The following IFI27 variants were observed in gnomAD, a reference collection of about 807,000 sequenced individuals.
IFI27 encodes interferon alpha-inducible protein 27, mitochondrial.
IFI27 carries 3 observed loss-of-function variants against 8.9 expected under a neutral mutation model. The observed-to-expected ratio is 0.34, with a 90% CI of 0.15 to 0.87. IFI27 has a LOEUF of 0.87. Ranked by LOEUF, IFI27 falls within the 40% of genes least tolerant of loss-of-function variation. IFI27 has a pLI of 0.51. For synonymous variants in IFI27, 66 were observed against 67.3 expected (o/e 0.98, Z 0.09); for missense variants, 152 against 157.7 (o/e 0.96, Z 0.19).
chr14:94,114,766 G>A, intron 2 of IFI27, 85 bp from the exon 3 acceptor site: 1 of 1,470,998 alleles, frequency 6.8e-7, no homozygotes, highest in Non-Finnish European at 9.5e-7. Flanking sequence ...GCAGCCCCCT[G>A]CCTCCCTTTA....
Position 94,111,875 on chromosome 14 carries a change from G to T in IFI27, c.91+102G>T. 1.1e-6 allele frequency: 1 copy of T among 908,350 alleles called. No individual in the cohort carries two copies. The highest frequency in any genetic ancestry group is 1.8e-6 in the Non-Finnish European group (1 of 549,542). The allele number at this position is 908,350 out of a possible 1,614,324, so 56.3% of individuals were successfully genotyped here. A position where few individuals can be genotyped will look rare whatever the true frequency, so the allele number is the denominator to read the frequency against. On this transcript the variant is annotated intron_variant, in intron 2 of 4. Coordinates refer to ENST00000621160, the Ensembl canonical transcript of IFI27. This position sits in a 1 kb window ranked among gnomAD's most constrained non-coding sequence, Gnocchi z 4.3. ...GTGGGAGAGAAAATGGGGGACACCCGCAGCCTTGCTGCCCTGTCCTGTCTT... is the reference window on the plus strand; with the variant it reads ...GTGGGAGAGAAAATGGGGGACACCCTCAGCCTTGCTGCCCTGTCCTGTCTT...
chr14:94,115,220 C>T (rs1887345026), intron 3 of IFI27: 4 of 619,154 alleles, frequency 6.5e-6, no homozygotes, highest in Non-Finnish European at 1.2e-5. Flanking sequence ...TGGTAATGCC[C>T]ATTCAGGGTT....
chr14:94,108,041 A>G (rs1024686997), upstream of IFI27, among the ~76,000 whole-genome samples: 1 of 151,954 alleles, frequency 6.6e-6, no homozygotes, highest in African/African-American at 2.4e-5. Flanking sequence ...CCCTGTGTCC[A>G]TGTGTTCTCA....
chr14:94,109,809 T>C (rs1887100709), upstream of IFI27, among the ~76,000 whole-genome samples: 1 of 152,254 alleles, frequency 6.6e-6, no homozygotes, highest in African/African-American at 2.4e-5. Context: ...ACTCGCACAC[T>C]ACTCATGTGG....
intron 3 of IFI27, 185 bp from the exon 4 acceptor site, chr14:94,115,596 T>C: frequency 1.6e-6 from 1 of 639,486 alleles, no homozygotes; most frequent in Non-Finnish European, 2.7e-6. Flanking sequence ...CACTAGCTTT[T>C]CCCTCTACTT....
In IFI27 at chr14:94,111,846, A is replaced by T. The variant is rs1365812078; in HGVS notation, c.91+73A>T. 1.7e-6 allele frequency: 2 copies of T among 1,146,120 alleles called. No homozygotes were observed. Among genetic ancestry groups the T allele is most frequent in the African/African-American group, 1.5e-5 (1 of 65,596 alleles). 71.0% of individuals were successfully genotyped at this position (1,146,120 alleles called of 1,614,324 possible). ...GGAAGGGCGGGGGTCCTGTCCCGGG[A>T]CCCGTGGGAGAGAAAATGGGGGACA... On this transcript the variant is annotated intron_variant, in intron 2 of 4. Coordinates refer to ENST00000621160, the Ensembl canonical transcript of IFI27. This position sits in a 1 kb window ranked among gnomAD's most constrained non-coding sequence, Gnocchi z 4.3.
rs1887422662 is a variant in IFI27, at chr14:94,116,532, C to T, written c.*5C>T. 6.2e-7 allele frequency: 1 copy of T among 1,607,374 alleles called. No individual in the cohort carries two copies. The highest frequency in any genetic ancestry group is 1.3e-5 in the African/African-American group (1 of 74,844). On this transcript the variant is annotated 3_prime_UTR_variant, in exon 5 of 5. Transcript: ENST00000621160. The surrounding 1 kb of genome is among the most constrained non-coding windows in gnomAD (Gnocchi z 4.3). ...GTCATTGCGAGGTTCTACTAGCTCC[C>T]TGCCCCTCGCCCTGCAGAGAAGAGA...
chr14:94,106,925 C>G (rs1014522027), upstream of IFI27, among the ~76,000 whole-genome samples: 6 of 152,120 alleles, frequency 3.9e-5, no homozygotes, highest in Admixed American at 3.9e-4. Flanking sequence ...CCGAAACACC[C>G]CCGACTAGGC....
At chr14:94,115,800 G>T in exon 4 of IFI27, 2 of 1,606,704 alleles carry the variant, frequency 1.2e-6, no homozygotes, top group Non-Finnish European at 8.5e-7. Flanking sequence ...TGGCGGCTGT[G>T]CCCATGGTGC....
intron 2 of IFI27, chr14:94,114,612 G>T: frequency 1.8e-6 from 1 of 559,938 alleles, no homozygotes. Flanking sequence ...AATCAACTAG[G>T]TCAGGGCCAC....
At chr14:94,114,977 T>C (rs2139299197) in intron 3 of IFI27, 97 bp downstream of exon 3, 1 of 1,152,524 alleles carries the variant, frequency 8.7e-7, no homozygotes, top group African/African-American at 1.5e-5. Flanking sequence ...TTCCCTCACA[T>C]GGGTGGTCAG....
Position 94,116,281 on chromosome 14 carries a change from C to A in IFI27, c.284-161C>A. 2 of 651,010 alleles carry A rather than the reference C, an allele frequency of 3.1e-6. No homozygotes were observed. The highest frequency in any genetic ancestry group is 2.7e-6 in the Non-Finnish European group (1 of 364,384). The allele number at this position is 651,010 out of a possible 1,614,324, so 40.3% of individuals were successfully genotyped here. On this transcript the variant is annotated intron_variant, in intron 4 of 4. Transcript: ENST00000621160. The surrounding 1 kb of genome is among the most constrained non-coding windows in gnomAD (Gnocchi z 4.3). ...ATGCCTGCAGCAGCCTCTCCCCAAA[C>A]AAAGACCCCGAGGGTACTGGGAAAC...
rs1400272158 is a variant in IFI27 at position 94,112,036 on chromosome 14, A to G, written c.91+263A>G. 9.6e-5 allele frequency: 55 copies of G among 572,154 alleles called. No individual in the cohort carries two copies. The East Asian group carries it at 1.6e-3, about 17-fold the overall frequency. 35.4% of individuals were successfully genotyped at this position (572,154 alleles called of 1,614,324 possible). A position where few individuals can be genotyped will look rare whatever the true frequency, so the allele number is the denominator to read the frequency against. ...CCGGGCCTCCTCCTGCCTAGCCGGA[A>G]AGGGTCTATCTACCACTGAGTCCCA... On this transcript the variant is annotated intron_variant, in intron 2 of 4. Transcript: ENST00000621160.
upstream of IFI27, among the ~76,000 whole-genome samples, chr14:94,110,192 A>G (rs1310283281): frequency 2.0e-5 from 3 of 152,272 alleles, no homozygotes; most frequent in African/African-American, 4.8e-5. Context: ...CTTTTGCTTT[A>G]GCGCTTCATC....
chr14:94,116,218 G>C lies in IFI27; in HGVS notation c.284-224G>C, dbSNP rs1335708929. 6.0e-6 allele frequency: 4 copies of C among 665,690 alleles called. No homozygotes were observed. The highest frequency in any genetic ancestry group is 1.1e-5 in the Non-Finnish European group (4 of 367,982). The allele number at this position is 665,690 out of a possible 1,614,324, so 41.2% of individuals were successfully genotyped here. A position where few individuals can be genotyped will look rare whatever the true frequency, so the allele number is the denominator to read the frequency against. ...GGTGCAGCCTCCTTCCCTGAAGAGC[G>C]AGGCTGCTTCTAGCTCTGGAGTTCA... On this transcript the variant is annotated intron_variant, in intron 4 of 4. Coordinates refer to ENST00000621160, the Ensembl canonical transcript of IFI27. The surrounding 1 kb of genome is among the most constrained non-coding windows in gnomAD (Gnocchi z 4.3).
chr14:94,111,842 C>T lies in IFI27; in HGVS notation c.91+69C>T, dbSNP rs1243080. 107 of 1,215,532 alleles carry T rather than the reference C, an allele frequency of 8.8e-5. No homozygotes were observed. In the African/African-American group the frequency reaches 1.2e-3, roughly 14 times the overall value. The allele number at this position is 1,215,532 out of a possible 1,614,324, so 75.3% of individuals were successfully genotyped here. The stretch of plus-strand genomic sequence containing the variant: ...GCTGGGAAGGGCGGGGGTCCTGTCC[C>T]GGGACCCGTGGGAGAGAAAATGGGG... On this transcript the variant is annotated intron_variant, in intron 2 of 4. Transcript: ENST00000621160. This position sits in a 1 kb window ranked among gnomAD's most constrained non-coding sequence, Gnocchi z 4.3.
At chr14:94,106,583 G>A (rs747027599), upstream of IFI27, among the ~76,000 whole-genome samples, 10 of 152,014 alleles carry the variant, frequency 6.6e-5, no homozygotes, top group Non-Finnish European at 8.8e-5. Flanking sequence ...ACATCTTTTC[G>A]TGTGCTTTTT....
At chr14:94,107,233 C>T (rs1211658653), upstream of IFI27, among the ~76,000 whole-genome samples, 1 of 152,120 alleles carries the variant, frequency 6.6e-6, no homozygotes, top group Non-Finnish European at 1.5e-5. Flanking sequence ...CCACGCCTTG[C>T]TAATCTTTTG....
chr14:94,105,964 C>T (rs1161895339), upstream of IFI27: 1 of 152,188 alleles, frequency 6.6e-6, no homozygotes, highest in Admixed American at 6.5e-5. Context: ...GCCGTTTGCA[C>T]TGCTGTAACA....
Sources: gnomAD v4.1 joint callset for allele counts (sites outside exome capture counted in the v4.1 genomes callset) on GRCh38, gnomAD v4.1.1 for gene constraint, Gnocchi (gnomAD v3.1) non-coding constraint, MANE v1.5 for transcripts, NCBI Gene and HGNC (gene_info 2026-07-23, HGNC 2026-07-21) for gene names.